RBFOX1: variants seen among roughly 807,000 people sequenced by gnomAD.
The protein encoded by RBFOX1 is RNA binding fox-1 homolog 1.
Under a neutral mutation model 57.7 loss-of-function variants are expected in RBFOX1, and 8 were observed. That is an observed-to-expected ratio of 0.14 (90% CI 0.08 to 0.25). The LOEUF (loss-of-function observed/expected upper bound fraction) is 0.25. Among genes scored for constraint, RBFOX1 ranks in the 10% least tolerant of loss-of-function variants. RBFOX1 has a pLI of 1.00. For synonymous variants in RBFOX1, 326 were observed against 222.4 expected, an observed-to-expected ratio of 1.47 and a Z score of -4.15; for missense variants, 611 against 548.5, an observed-to-expected ratio of 1.11 and a Z score of -1.14.
chr16:7,236,211 T>C (rs1253143018), intron 4 of RBFOX1, among the ~76,000 whole-genome samples: 1 of 152,200 alleles, frequency 6.6e-6, no homozygotes, highest in East Asian at 1.9e-4. Flanking sequence ...AAGTAAATAT[T>C]CAAGAGTTAT....
At chr16:5,669,063 G>T (rs770016829) in intron 3 of RBFOX1, among the ~76,000 whole-genome samples, 4 of 152,224 alleles carry the variant, frequency 2.6e-5, no homozygotes, top group African/African-American at 9.6e-5. Flanking sequence ...ATGGCACTTG[G>T]ATAGCACCCC....
chr16:6,314,464 G>A (rs1051393667), intron 1 of RBFOX1, among the ~76,000 whole-genome samples: 1 of 152,206 alleles, frequency 6.6e-6, no homozygotes, highest in African/African-American at 2.4e-5. Flanking sequence ...CAGAGAGCAC[G>A]CTTGGGTAGA....
rs57154832 is a variant in RBFOX1, at chr16:6,242,629, A to AACACACACACACAC, written c.-126-74344_-126-74331dup. ...GTTTGAGAGAGGATAATTTATTGCAAACACACACACACACACACACACACA... is the reference window on the plus strand; with the variant it reads ...GTTTGAGAGAGGATAATTTATTGCAAACACACACACACACACACACACACACACACACACACACA... On this transcript the variant is annotated intron_variant, in intron 1 of 15. Transcript: ENST00000550418. 3.5e-3 allele frequency among the ~76,000 whole-genome samples: 500 copies of AACACACACACACAC among 141,610 alleles called. 2 individuals carry two copies. Among genetic ancestry groups the AACACACACACACAC allele is most frequent in the African/African-American group, 0.012 (448 of 38,172 alleles). 92.9% of individuals were successfully genotyped at this position (141,610 alleles called of 152,430 possible).
intron 14 of RBFOX1, among the ~76,000 whole-genome samples, chr16:7,681,350 A>G (rs1039178223): frequency 6.6e-6 from 1 of 152,142 alleles, no homozygotes; most frequent in Non-Finnish European, 1.5e-5. Flanking sequence ...CATAAGCTAA[A>G]TACAGAAAAT....
chr16:7,203,394 A>C (rs2089151359), intron 4 of RBFOX1, among the ~76,000 whole-genome samples: 1 of 152,218 alleles, frequency 6.6e-6, no homozygotes, highest in South Asian at 2.1e-4. Context: ...AGGGGAAAGG[A>C]CAGTTATTGT....
rs1474388497 is a variant in RBFOX1 at position 6,714,756 on chromosome 16, C to T, written c.-16+60106C>T. 3.9e-5 allele frequency among the ~76,000 whole-genome samples: 6 copies of T among 152,102 alleles called. No individual in the cohort carries two copies. The East Asian group carries it at 1.2e-3, about 29-fold the overall frequency. ...TGCATCTACACAGCTGGGACATGGG[C>T]AGTACCGTTTTCTAAACAGTGCAAT... On this transcript the variant is annotated intron_variant, in intron 3 of 15. Transcript: ENST00000550418.
At chr16:6,052,895 C>T (rs1252411104) in intron 1 of RBFOX1, among the ~76,000 whole-genome samples, 1 of 150,984 alleles carries the variant, frequency 6.6e-6, no homozygotes, top group African/African-American at 2.4e-5. Flanking sequence ...AAGTAAAATC[C>T]CTAGGAGTAG....
intron 1 of RBFOX1, among the ~76,000 whole-genome samples, chr16:6,227,902 A>G (rs1356166921): frequency 1.3e-5 from 2 of 152,252 alleles, no homozygotes; most frequent in Non-Finnish European, 2.9e-5. Context: ...AATTAAAAAT[A>G]GAACTACCAT....
chr16:6,318,272 G>C (rs8049003), intron 2 of RBFOX1, among the ~76,000 whole-genome samples: 151,009 of 152,306 alleles, frequency 0.99, 74,876 homozygotes, highest in Middle Eastern at 1. Context: ...GAAATTCCAT[G>C]TCTAATTCCC....
In RBFOX1 at chr16:6,879,125, C is replaced by G. The variant is rs141428084; in HGVS notation, c.-15-172932C>G. On this transcript the variant is annotated intron_variant, in intron 3 of 15. Transcript: ENST00000550418. Reference sequence around the variant, plus strand: ...CTTGAATATATTACAGTTTGACCTTCATTTCAGCAGGACAGACAAATCATT... The same window carrying G: ...CTTGAATATATTACAGTTTGACCTTGATTTCAGCAGGACAGACAAATCATT... Among the ~76,000 whole-genome samples, 174 of 152,304 alleles carry G rather than the reference C, an allele frequency of 1.1e-3. 1 individual carries two copies. The highest frequency in any genetic ancestry group is 8.3e-4 in the South Asian group (4 of 4,830).
At chr16:5,547,261 C>G (rs2045248183) in intron 2 of RBFOX1, among the ~76,000 whole-genome samples, 1 of 152,138 alleles carries the variant, frequency 6.6e-6, no homozygotes, top group Non-Finnish European at 1.5e-5. Context: ...GGTATTTATC[C>G]ATGAGAAAAG....
chr16:5,651,706 C>G, intron 3 of RBFOX1, among the ~76,000 whole-genome samples: 1 of 152,214 alleles, frequency 6.6e-6, no homozygotes, highest in East Asian at 1.9e-4. Flanking sequence ...CATGGATACC[C>G]ATCCCTGCCT....
chr16:6,661,164 A>AT (rs887060171), intron 3 of RBFOX1, among the ~76,000 whole-genome samples: 3 of 151,962 alleles, frequency 2.0e-5, no homozygotes, highest in African/African-American at 7.2e-5. Context: ...AATACCACTG[A>AT]TTTTTTACTT....
At chr16:7,525,044 T>C (rs2078380552) in intron 5 of RBFOX1, among the ~76,000 whole-genome samples, 2 of 152,226 alleles carry the variant, frequency 1.3e-5, no homozygotes, top group African/African-American at 4.8e-5. Context: ...AGAAATGAGT[T>C]ACTAATACCT....
At chr16:5,783,806 G>T (rs1006608777) in intron 3 of RBFOX1, among the ~76,000 whole-genome samples, 2 of 152,142 alleles carry the variant, frequency 1.3e-5, no homozygotes, top group Non-Finnish European at 2.9e-5. Flanking sequence ...CAGGGGGCAG[G>T]CTCCCTAGTG....
intron 4 of RBFOX1, among the ~76,000 whole-genome samples, chr16:7,432,378 A>G (rs2098688989): frequency 6.6e-6 from 1 of 152,152 alleles, no homozygotes; most frequent in South Asian, 2.1e-4. Context: ...AAAATTTAGG[A>G]TCCCAATCCC....
intron 4 of RBFOX1, among the ~76,000 whole-genome samples, chr16:5,899,865 G>A (rs1008421735): frequency 6.6e-6 from 1 of 152,170 alleles, no homozygotes; most frequent in African/African-American, 2.4e-5. Flanking sequence ...CGTGAGCCCA[G>A]GAGTTCGAGA....
chr16:7,166,972 C>CTTTTTTTTGTTTTTTTTTTTT (rs2079654853), intron 4 of RBFOX1, among the ~76,000 whole-genome samples: 1 of 49,098 alleles, frequency 2.0e-5, no homozygotes, highest in African/African-American at 1.0e-4. Flanking sequence ...CATTGGTGTT[C>CTTTTTTTTGTTTTTTTTTTTT]TTTTTTTTTT....
chr16:6,885,943 T>G (rs1003092008), intron 3 of RBFOX1, among the ~76,000 whole-genome samples: 6 of 152,248 alleles, frequency 3.9e-5, no homozygotes, highest in Non-Finnish European at 7.3e-5. Context: ...ATAAAATGAT[T>G]TCTCTTGATT....
Sources: allele counts gnomAD v4.1 joint callset (sites outside exome capture counted in the v4.1 genomes callset), GRCh38; gene constraint gnomAD v4.1.1; transcripts MANE v1.5; gene names NCBI Gene and HGNC (gene_info 2026-07-23, HGNC 2026-07-21).